Variants in MLLT10 observed in about 807,000 individuals in gnomAD.
The protein encoded by MLLT10 is MLLT10 histone lysine methyltransferase DOT1L cofactor.
In MLLT10, 30 loss-of-function variants were observed where a neutral mutation model predicts 129.1. That is an observed-to-expected ratio of 0.23 (90% CI 0.17 to 0.32). The LOEUF (loss-of-function observed/expected upper bound fraction) is 0.32, where lower values mean the gene tolerates loss of function less well. Among genes scored for constraint, MLLT10 ranks in the 10% least tolerant of loss-of-function variants. MLLT10 has a pLI of 1.00. For synonymous variants in MLLT10, 490 were observed against 446.4 expected (o/e 1.10, Z -1.23); for missense variants, 1,119 against 1,268.3 (o/e 0.88, Z 1.79).
chr10:21,597,336 A>G (rs899811132), intron 5 of MLLT10, among the ~76,000 whole-genome samples: 3 of 152,194 alleles, frequency 2.0e-5, no homozygotes, highest in African/African-American at 7.2e-5. Flanking sequence ...CAAAAGAATC[A>G]CAAACTGCAT....
At chr10:21,592,531 C>T (rs2042608477) in intron 4 of MLLT10, among the ~76,000 whole-genome samples, 1 of 151,946 alleles carries the variant, frequency 6.6e-6, no homozygotes, top group South Asian at 2.1e-4. Context: ...TCTCGACTCA[C>T]TGCAGGCTCC....
At position 21,673,374 on chromosome 10, in the gene MLLT10, G is replaced by A; in HGVS notation, c.1076G>A (p.Ser359Asn). The A allele has an allele frequency of 1.5e-6, 2 of 1,360,482 alleles. No homozygotes were observed. Among genetic ancestry groups the A allele is most frequent in the Non-Finnish European group, 1.9e-6 (2 of 1,035,172 alleles). The allele number at this position is 1,360,482 out of a possible 1,614,324, so 84.3% of individuals were successfully genotyped here. A position where few individuals can be genotyped will look rare whatever the true frequency, so the allele number is the denominator to read the frequency against. ...GGCAGTTTTTCAGGAACTCCAGGCA[G>A]TGTAAAGTCATCTTCTGGAAGTTCA... ...PQGSFSGTPGSVKSSSGSSVQ... is the reference protein window; with the variant it reads ...PQGSFSGTPGNVKSSSGSSVQ... The change falls in exon 11 of 23, where the codon AGT (serine) becomes AAT (asparagine). Residue 359 changes from serine (S) to asparagine (N), a missense_variant. Coordinates refer to ENST00000307729, the MANE Select transcript of MLLT10 (RefSeq NM_001195626.3).
chr10:21,596,482 G>A (rs2043026408), intron 5 of MLLT10, among the ~76,000 whole-genome samples: 2 of 152,148 alleles, frequency 1.3e-5, no homozygotes. Context: ...CTGTGTAAAA[G>A]TGTGTGAACA....
At chr10:21,616,691 A>G (rs1361840270) in intron 7 of MLLT10, among the ~76,000 whole-genome samples, 3 of 152,104 alleles carry the variant, frequency 2.0e-5, no homozygotes, top group Non-Finnish European at 4.4e-5. Flanking sequence ...TACTGATGGT[A>G]TAAGATTAAA....
rs1564748788 is a variant in MLLT10 at position 21,735,252 on chromosome 10, GA to G, written c.2955+18del. 1 of 1,560,330 alleles carries G rather than the reference GA, an allele frequency of 6.4e-7. No individual in the cohort carries two copies. Among genetic ancestry groups the G allele is most frequent in the Admixed American group, 1.7e-5 (1 of 59,546 alleles). ...CTCACACCAGTAAGTTCTTTCTTTT[GA>G]TAATATCTTATTAGGAGCATGTGTT... On this transcript the variant is annotated intron_variant, in intron 21 of 22. Coordinates refer to ENST00000307729, the MANE Select transcript of MLLT10 (RefSeq NM_001195626.3).
intron 18 of MLLT10, 37 bp from the exon 19 acceptor site, chr10:21,733,467 G>A (rs974727804): frequency 3.9e-6 from 5 of 1,268,488 alleles, no homozygotes; most frequent in Admixed American, 3.1e-5. Flanking sequence ...TAATTTAATA[G>A]GGTAAATAGG....
rs568277660 is a variant in MLLT10 at position 21,535,161 on chromosome 10, C to G, written c.160+357C>G. On this transcript the variant is annotated intron_variant, in intron 2 of 22. Coordinates refer to ENST00000307729, the MANE Select transcript of MLLT10 (RefSeq NM_001195626.3). ...GGGCGGGGGCGGTGCGCGCCCTTCC[C>G]GGGGTTCCCGGGGCCACGGGGGTGG... Among the ~76,000 whole-genome samples, 60 of 146,964 alleles carry G rather than the reference C, an allele frequency of 4.1e-4. No individual in the cohort carries two copies. In the East Asian group the frequency reaches 4.8e-3, roughly 12 times the overall value.
At chr10:21,636,324 T>C (rs968067667) in intron 8 of MLLT10, among the ~76,000 whole-genome samples, 3 of 152,142 alleles carry the variant, frequency 2.0e-5, no homozygotes, top group Non-Finnish European at 4.4e-5. Context: ...AGTCTCCCTA[T>C]GTTGCTTAGG....
chr10:21,680,584 T>A (rs559230526), intron 11 of MLLT10, among the ~76,000 whole-genome samples: 1 of 152,212 alleles, frequency 6.6e-6, no homozygotes, highest in Non-Finnish European at 1.5e-5. Context: ...TCATAATATA[T>A]TTATGGTCAT....
Position 21,590,344 on chromosome 10 carries a change from A to AT in MLLT10, c.295+4009dup, listed in dbSNP as rs748772279. 4.5e-3 allele frequency among the ~76,000 whole-genome samples: 648 copies of AT among 145,146 alleles called. 1 individual carries two copies. Among genetic ancestry groups the AT allele is most frequent in the Admixed American group, 6.8e-3 (98 of 14,436 alleles). ...TTGTTGGACTAACATTGCCAATAGTATTTTTTTTTTTTTGAGATGGAGTCT... is the reference window on the plus strand; with the variant it reads ...TTGTTGGACTAACATTGCCAATAGTATTTTTTTTTTTTTTGAGATGGAGTCT... On this transcript the variant is annotated intron_variant, in intron 4 of 22. Coordinates refer to ENST00000307729, the MANE Select transcript of MLLT10 (RefSeq NM_001195626.3).
intron 12 of MLLT10, 36 bp from the exon 13 acceptor site, chr10:21,682,189 A>G: frequency 1.3e-6 from 2 of 1,590,748 alleles, no homozygotes; most frequent in South Asian, 2.3e-5. Context: ...TTTGAGAATG[A>G]TCTTAACCTG....
chr10:21,570,212 T>TTGTGTGTG (rs528760884), intron 3 of MLLT10, among the ~76,000 whole-genome samples: 3 of 147,854 alleles, frequency 2.0e-5, no homozygotes, highest in African/African-American at 5.0e-5. Context: ...CCAGGCCAAT[T>TTGTGTGTG]TGTGTGTGTG....
chr10:21,564,746 C>T (rs1206709927), intron 3 of MLLT10, among the ~76,000 whole-genome samples: 1 of 151,528 alleles, frequency 6.6e-6, no homozygotes, highest in Non-Finnish European at 1.5e-5. Flanking sequence ...ATTGCTTGAA[C>T]CCAGGAGGTG....
intron 11 of MLLT10, among the ~76,000 whole-genome samples, chr10:21,676,720 CAAAAAAAAAAAAAAAAAAAAAA>C (rs56000691): frequency 7.8e-4 from 25 of 31,998 alleles, no homozygotes; most frequent in Non-Finnish European, 1.1e-3. Flanking sequence ...GACTCCATCT[CAAAAAAAAAAAAAAAAAAAAAA>C]AAAAAAAAAA....
At chr10:21,709,521 G>A (rs191044347) in intron 13 of MLLT10, among the ~76,000 whole-genome samples, 27 of 152,218 alleles carry the variant, frequency 1.8e-4, no homozygotes, top group East Asian at 1.5e-3. Context: ...GTGAGCCACC[G>A]CATCTGGCTG....
chr10:21,720,677 A>T (rs754678727), intron 14 of MLLT10, among the ~76,000 whole-genome samples: 1 of 152,206 alleles, frequency 6.6e-6, no homozygotes, highest in African/African-American at 2.4e-5. Context: ...CATTTATGCT[A>T]TTTAAGTTTT....
intron 8 of MLLT10, among the ~76,000 whole-genome samples, chr10:21,631,029 C>T (rs928452370): frequency 6.6e-6 from 1 of 152,118 alleles, no homozygotes; most frequent in South Asian, 2.1e-4. Flanking sequence ...AAGAAAAGTA[C>T]GTCGGGCGCG....
intron 8 of MLLT10, among the ~76,000 whole-genome samples, chr10:21,633,566 C>T (rs1175294063): frequency 1.3e-5 from 2 of 152,078 alleles, no homozygotes; most frequent in Non-Finnish European, 2.9e-5. Context: ...GTGGTATGCA[C>T]TTCTAGTAGT....
chr10:21,600,727 G>A (rs1033723369), intron 5 of MLLT10, among the ~76,000 whole-genome samples: 2 of 152,112 alleles, frequency 1.3e-5, no homozygotes, highest in South Asian at 2.1e-4. Flanking sequence ...AGTTCTGGCT[G>A]TAAAAAAATT....
Sources: allele counts gnomAD v4.1 joint callset (sites outside exome capture counted in the v4.1 genomes callset), GRCh38; gene constraint gnomAD v4.1.1; transcripts MANE v1.5; gene names NCBI Gene and HGNC (gene_info 2026-07-23, HGNC 2026-07-21).